Variants in EHD1 observed in about 807,000 individuals in gnomAD.
The protein encoded by EHD1 is EH domain-containing protein 1.
Under a neutral mutation model 39.0 loss-of-function variants are expected in EHD1, and 19 were observed. The observed-to-expected ratio is 0.49, with a 90% confidence interval of 0.34 to 0.72. The LOEUF is 0.72. EHD1 is among the 30% of genes least tolerant of loss of function. The pLI is 0.01. For missense variants in EHD1, 542 were observed against 751.5 expected (o/e 0.72, Z 3.26); for synonymous variants, 323 against 331.2 (o/e 0.98, Z 0.27).
chr11:64,865,207 G>A (rs188238360), intron 2 of EHD1, among the ~76,000 whole-genome samples: 4 of 152,400 alleles, frequency 2.6e-5, no homozygotes, highest in Admixed American at 2.6e-4. Flanking sequence ...CAGTGACCAC[G>A]TAACTGCACG....
In EHD1 at chr11:64,858,026, CTTTTTT is replaced by C. The variant is rs11327531; in HGVS notation, c.915+1892_915+1897del. Among the ~76,000 whole-genome samples the C allele has an allele frequency of 1.2e-4, 15 of 121,812 alleles. 1 individual carries two copies. In the South Asian group the frequency reaches 3.9e-3, roughly 32 times the overall value. The allele number at this position is 121,812 out of a possible 152,430, so 79.9% of individuals were successfully genotyped here. On this transcript the variant is annotated intron_variant, in intron 3 of 4. Transcript: ENST00000320631. ...TGGAGATAGGAGCTACGGCAAGGGCCTTTTTTTTTTTTTTTTTTTTTAAATTAAATA... is the reference window on the plus strand; with the variant it reads ...TGGAGATAGGAGCTACGGCAAGGGCCTTTTTTTTTTTTTTTAAATTAAATA...
intron 2 of EHD1, among the ~76,000 whole-genome samples, chr11:64,872,953 T>C (rs913595690): frequency 2.0e-5 from 3 of 152,216 alleles, no homozygotes; most frequent in African/African-American, 7.2e-5. Flanking sequence ...ATCAACAAAC[T>C]TGCTCACTTG....
intron 1 of EHD1, among the ~76,000 whole-genome samples, chr11:64,875,155 A>G (rs1331772804): frequency 1.3e-5 from 2 of 152,204 alleles, no homozygotes; most frequent in Non-Finnish European, 2.9e-5. Flanking sequence ...AGCCACGCAT[A>G]TCTGAGTTTC....
At chr11:64,857,741 C>G (rs1943668734) in intron 3 of EHD1, among the ~76,000 whole-genome samples, 1 of 152,216 alleles carries the variant, frequency 6.6e-6, no homozygotes, top group South Asian at 2.1e-4. Flanking sequence ...TGCCTCTGAG[C>G]AGGCAGGGAC....
At chr11:64,866,067 T>C (rs578055363) in intron 2 of EHD1, among the ~76,000 whole-genome samples, 8 of 152,252 alleles carry the variant, frequency 5.3e-5, no homozygotes, top group South Asian at 2.1e-4. Context: ...CATACGTCCA[T>C]TGCAGCACTA....
chr11:64,878,605 A>G lies in EHD1; in HGVS notation c.-141T>C, dbSNP rs188277933. ...GCAGGCGCACAGCCCAGCCCGTCGA[A>G]GCGCCCTCTGCCGAATGCTGCGCAC... On this transcript the variant is annotated 5_prime_UTR_variant, in exon 1 of 5. Transcript: ENST00000320631. 1.9e-5 allele frequency: 27 copies of G among 1,422,758 alleles called. 1 individual carries two copies. Among genetic ancestry groups the G allele is most frequent in the Middle Eastern group, 2.6e-4 (1 of 3,868 alleles). 88.1% of individuals were successfully genotyped at this position (1,422,758 alleles called of 1,614,324 possible).
At chr11:64,861,761 G>T (rs1380062709) in intron 2 of EHD1, among the ~76,000 whole-genome samples, 1 of 152,178 alleles carries the variant, frequency 6.6e-6, no homozygotes, top group African/African-American at 2.4e-5. Context: ...CACCCTTACA[G>T]AAAAAGTTTG....
chr11:64,860,963 T>C (rs1275817518), intron 2 of EHD1, among the ~76,000 whole-genome samples: 1 of 144,228 alleles, frequency 6.9e-6, no homozygotes, highest in Non-Finnish European at 1.5e-5. Flanking sequence ...GAGGTTGCAG[T>C]GAGCTGAGAT....
chr11:64,855,916 TCC>T (rs1943647511), intron 3 of EHD1: 8 of 49,520 alleles, frequency 1.6e-4, no homozygotes, highest in African/African-American at 5.9e-4. Flanking sequence ...TCACACACCC[TCC>T]GCTCAACCCT....
rs1177746473 is a variant in EHD1, at chr11:64,854,552, G to C, written c.1386C>G (p.Ile462Met). The C allele has an allele frequency of 1.2e-6, 2 of 1,614,166 alleles. No individual in the cohort carries two copies. Among genetic ancestry groups the C allele is most frequent in the Non-Finnish European group, 1.7e-6 (2 of 1,180,008 alleles). The change falls in exon 5 of 5, where the codon ATC becomes ATG. Residue 462 changes from isoleucine (I) to methionine (M), a missense_variant. Coordinates refer to ENST00000320631, the MANE Select transcript of EHD1 (RefSeq NM_006795.4). ...FYTLSPVNGKITGANAKKEMV... is the reference protein window; with the variant it reads ...FYTLSPVNGKMTGANAKKEMV... ...TCTCCTTCTTGGCGTTGGCGCCCGT[G>C]ATCTTGCCGTTGACAGGGGACAGCG...
At chr11:64,877,843 G>C (rs2136505799) in intron 1 of EHD1, 1 of 427,882 alleles carries the variant, frequency 2.3e-6, no homozygotes, top group East Asian at 3.6e-5. Context: ...ATTCTGGGGA[G>C]GACAGAAGCT....
chr11:64,877,447 C>A (rs1164116355), intron 1 of EHD1, among the ~76,000 whole-genome samples: 1 of 152,182 alleles, frequency 6.6e-6, no homozygotes, highest in South Asian at 2.1e-4. Context: ...CCCCTCAGGG[C>A]AGCACTGACC....
At chr11:64,871,175 T>G (rs755176043) in intron 2 of EHD1, among the ~76,000 whole-genome samples, 1 of 152,166 alleles carries the variant, frequency 6.6e-6, no homozygotes, top group Admixed American at 6.5e-5. Context: ...CACAAGGACA[T>G]GTTTCCAGGG....
Position 64,865,830 on chromosome 11 carries a change from T to C in EHD1, c.503-5494A>G, listed in dbSNP as rs1034274988. 4.6e-5 allele frequency among the ~76,000 whole-genome samples: 7 copies of C among 152,342 alleles called. No individual in the cohort carries two copies. The East Asian group carries it at 1.3e-3, about 29-fold the overall frequency. ...AGACAACATCTCATAACAGTCAGAA[T>C]GGCTATTATTAAAAAGTCTAAAAAT... On this transcript the variant is annotated intron_variant, in intron 2 of 4. Transcript: ENST00000320631.
At chr11:64,878,730 C>T (rs1053585603), upstream of EHD1, 22 of 1,319,204 alleles carry the variant, frequency 1.7e-5, no homozygotes, top group Non-Finnish European at 1.9e-5. Flanking sequence ...AGGAGCCCCT[C>T]CCAGCCCCGC....
upstream of EHD1, chr11:64,878,931 G>A (rs1943923923): frequency 3.0e-6 from 3 of 1,016,330 alleles, no homozygotes; most frequent in Non-Finnish European, 3.5e-6. Flanking sequence ...TGGGCCGCGC[G>A]CCTTCCGGCA....
At chr11:64,854,963 C>T (rs993607409) in intron 4 of EHD1, 106 bp from the exon 5 acceptor site, 48 of 1,433,336 alleles carry the variant, frequency 3.3e-5, no homozygotes, top group Admixed American at 3.9e-5. Context: ...GCTGCTCCCC[C>T]ACACTAGCAG....
Position 64,868,225 on chromosome 11 carries a change from C to T in EHD1, c.502+6196G>A, listed in dbSNP as rs1157567681. ...AAGCTGCGTGGGCTTCAGTATTTCT[C>T]GCCCTAGCTCTCCATCACACAGGTT... On this transcript the variant is annotated intron_variant, in intron 2 of 4. Transcript: ENST00000320631. The surrounding 1 kb of genome is among the most constrained non-coding windows in gnomAD (Gnocchi z 4.2). Among the ~76,000 whole-genome samples, 1 of 152,234 alleles carries T rather than the reference C, an allele frequency of 6.6e-6. No homozygotes were observed. Among genetic ancestry groups the T allele is most frequent in the African/African-American group, 2.4e-5 (1 of 41,454 alleles).
intron 1 of EHD1, 198 bp downstream of exon 1, chr11:64,877,863 G>A (rs966701037): frequency 3.9e-5 from 18 of 465,308 alleles, no homozygotes; most frequent in African/African-American, 3.6e-4. Flanking sequence ...TGGGGGAGCC[G>A]ACAACGCCCA....
Sources: gnomAD v4.1 joint callset for allele counts (sites outside exome capture counted in the v4.1 genomes callset) on GRCh38, gnomAD v4.1.1 for gene constraint, Gnocchi (gnomAD v3.1) non-coding constraint, MANE v1.5 for transcripts, NCBI Gene and HGNC (gene_info 2026-07-23, HGNC 2026-07-21) for gene names.